PPP2R3B: variants seen among roughly 807,000 people sequenced by gnomAD.
PPP2R3B encodes the protein serine/threonine-protein phosphatase 2A regulatory subunit B'' subunit beta.
In PPP2R3B, 68 loss-of-function variants were observed where a neutral mutation model predicts 72.9. The observed-to-expected ratio is 0.93, with a 90% CI of 0.77 to 1.14. The LOEUF (loss-of-function observed/expected upper bound fraction) is 1.14, where lower values mean the gene tolerates loss of function less well. Among genes scored for constraint, PPP2R3B ranks in the 50% most tolerant of loss-of-function variants. The probability of loss-of-function intolerance (pLI) is 0.00; values close to 1 mark genes in which losing one functional copy is unlikely to be tolerated. For synonymous variants in PPP2R3B, 466 were observed against 375.8 expected (o/e 1.24, Z -2.78); for missense variants, 1,018 against 842.0 (o/e 1.21, Z -2.59).
In PPP2R3B at chrX:383,837, C is replaced by CAAAAAA. The variant is rs757960788; in HGVS notation, c.324+2525_324+2530dup. Among the ~76,000 whole-genome samples the CAAAAAA allele has an allele frequency of 4.0e-3, 182 of 45,552 alleles. 3 individuals are homozygous for CAAAAAA. The highest frequency in any genetic ancestry group is 7.3e-3 in the African/African-American group (111 of 15,142). The allele number at this position is 45,552 out of a possible 152,430, so 29.9% of individuals were successfully genotyped here. ...TGGGGGACAGAGCGAGACTCCGTCTCAAAAAAAAAAAAAAAAAAAAAAAAA... is the reference window on the plus strand; with the variant it reads ...TGGGGGACAGAGCGAGACTCCGTCTCAAAAAAAAAAAAAAAAAAAAAAAAAAAAAAA... On this transcript the variant is annotated intron_variant, in intron 1 of 12. Coordinates refer to ENST00000390665, the MANE Select transcript of PPP2R3B (RefSeq NM_013239.5).
At chrX:357,041 C>G (rs2071452876) in intron 2 of PPP2R3B, among the ~76,000 whole-genome samples, 1 of 152,070 alleles carries the variant, frequency 6.6e-6, no homozygotes, top group Non-Finnish European at 1.5e-5. Context: ...CTTGTCCATT[C>G]AAAATAAAAT....
intron 2 of PPP2R3B, 38 bp downstream of exon 2, chrX:361,367 C>T: frequency 6.2e-7 from 1 of 1,609,432 alleles, no homozygotes; most frequent in South Asian, 1.1e-5. Flanking sequence ...GCCCGCAGTA[C>T]CACCTCGGCT....
intron 1 of PPP2R3B, among the ~76,000 whole-genome samples, chrX:367,756 T>C (rs2071753644): frequency 6.6e-6 from 1 of 152,190 alleles, no homozygotes; most frequent in Admixed American, 6.5e-5. Flanking sequence ...AAGGTCTGAC[T>C]GCAGAAAGAA....
intron 2 of PPP2R3B, among the ~76,000 whole-genome samples, chrX:360,007 A>ACTT (rs112610453): frequency 0.62 from 94,094 of 151,654 alleles, 29,464 homozygotes; most frequent in African/African-American, 0.68. Context: ...GGGCGGGGAC[A>ACTT]CTTAATGTGT....
chrX:378,925 C>G (rs768510919), intron 1 of PPP2R3B, among the ~76,000 whole-genome samples: 4 of 152,342 alleles, frequency 2.6e-5, no homozygotes, highest in Admixed American at 2.6e-4. Context: ...CTTCAGAAAC[C>G]CTGAGCTCCT....
intron 12 of PPP2R3B, chrX:334,768 C>G: frequency 2.3e-6 from 1 of 436,532 alleles, no homozygotes. Flanking sequence ...CGGGCGTGAG[C>G]TACACACAGA....
intron 10 of PPP2R3B, among the ~76,000 whole-genome samples, chrX:340,456 T>TCACCCTGGGCCGTCCTCTCG (rs2071029992): frequency 3.0e-5 from 2 of 67,242 alleles, no homozygotes; most frequent in East Asian, 5.4e-4. Flanking sequence ...CCGTCCCCCC[T>TCACCCTGGGCCGTCCTCTCG]CCCGTCTGTC....
At chrX:382,070 T>C (rs1037883704) in intron 1 of PPP2R3B, among the ~76,000 whole-genome samples, 1 of 152,300 alleles carries the variant, frequency 6.6e-6, no homozygotes, top group African/African-American at 2.4e-5. Flanking sequence ...ATCTCCTAAG[T>C]GCAGAATCCT....
intron 2 of PPP2R3B, among the ~76,000 whole-genome samples, chrX:351,144 G>A (rs931273207): frequency 1.5e-4 from 23 of 152,090 alleles, no homozygotes; most frequent in Non-Finnish European, 2.8e-4. Context: ...TGGAGGGGCC[G>A]GGCCCCGCAG....
intron 1 of PPP2R3B, among the ~76,000 whole-genome samples, chrX:380,134 G>A (rs2072090988): frequency 6.6e-6 from 1 of 152,064 alleles, no homozygotes; most frequent in East Asian, 1.9e-4. Flanking sequence ...GCTTTCTCAA[G>A]ATAAATAGGA....
intron 2 of PPP2R3B, among the ~76,000 whole-genome samples, chrX:354,339 C>T (rs1433844736): frequency 6.7e-6 from 1 of 149,966 alleles, no homozygotes; most frequent in East Asian, 2.0e-4. Flanking sequence ...CCTTCATGAC[C>T]ACAGACGCTA....
chrX:367,021 C>G lies in PPP2R3B; in HGVS notation c.325-5431G>C, dbSNP rs749730066. Among the ~76,000 whole-genome samples, 14 of 146,810 alleles carry G rather than the reference C, an allele frequency of 9.5e-5. 1 individual carries two copies. The highest frequency in any genetic ancestry group is 3.3e-4 in the African/African-American group (12 of 36,442). On this transcript the variant is annotated intron_variant, in intron 1 of 12. Coordinates refer to ENST00000390665, the MANE Select transcript of PPP2R3B (RefSeq NM_013239.5). ...CCAGCCTGGGTGACAGAGTGAGACT[C>G]TGTCTCAAAAAAAAAAAAGTGAGAT...
intron 2 of PPP2R3B, among the ~76,000 whole-genome samples, chrX:353,630 G>C (rs2071373721): frequency 6.6e-6 from 1 of 152,264 alleles, no homozygotes; most frequent in South Asian, 2.1e-4. Context: ...ACAAGAAAAG[G>C]AGACCGCAGG....
intron 1 of PPP2R3B, among the ~76,000 whole-genome samples, chrX:366,793 G>T (rs1343760955): frequency 1.7e-5 from 2 of 115,158 alleles, no homozygotes; most frequent in East Asian, 4.7e-4. Context: ...AACACAGGAG[G>T]CAGAGGTTGC....
At chrX:382,659 T>C (rs2072152057) in intron 1 of PPP2R3B, among the ~76,000 whole-genome samples, 1 of 152,190 alleles carries the variant, frequency 6.6e-6, no homozygotes, top group Admixed American at 6.5e-5. Flanking sequence ...TGTTAGAGGC[T>C]TCTTGCCTGA....
At position 386,521 on chromosome X, in the gene PPP2R3B, G is replaced by T. The variant is rs2072255928; in HGVS notation, c.171C>A (p.Ala57=). 1 of 1,399,878 alleles carries T rather than the reference G, an allele frequency of 7.1e-7. No homozygotes were observed. Among genetic ancestry groups the T allele is most frequent in the South Asian group, 1.5e-5 (1 of 67,700 alleles). 86.7% of individuals were successfully genotyped at this position (1,399,878 alleles called of 1,614,324 possible). A position where few individuals can be genotyped will look rare whatever the true frequency, so the allele number is the denominator to read the frequency against. ...GGGCGGCGAGCGGGGCTGTGGGCCA[G>T]GCCCCGGGCTGCTCCCCGTCCCCCG... ...PTPGDGEQPG[A]WPTAPLAAPR... The change falls in exon 1 of 13, where the codon GCC becomes GCA. Residue 57 remains alanine, a synonymous_variant. Transcript: ENST00000390665.
chrX:363,655 T>TGCCCGCAATCCCACAGTGCATCTCTCGAA (rs2071609748), intron 1 of PPP2R3B, among the ~76,000 whole-genome samples: 1 of 2,818 alleles, frequency 3.5e-4, no homozygotes, highest in Non-Finnish European at 8.1e-4. Flanking sequence ...CATCTCCCTG[T>TGCCCGCAATCCCACAGTGCATCTCTCGAA]GCCCACCATC....
intron 12 of PPP2R3B, chrX:338,268 A>T: frequency 4.2e-6 from 2 of 475,170 alleles, no homozygotes; most frequent in Non-Finnish European, 7.7e-6. Context: ...CCTGCCCAGC[A>T]GGTGCCAGCC....
Position 339,172 on chromosome X carries a change from G to T in PPP2R3B, c.1352-276C>A, listed in dbSNP as rs770793333. On this transcript the variant is annotated intron_variant, in intron 10 of 12. Transcript: ENST00000390665. ...AGCGCAGGGAGGCGCGGCCAGCAGG[G>T]GCGCTGCTGGATCTGAAATTACAGA... Among the ~76,000 whole-genome samples, 182 of 151,718 alleles carry T rather than the reference G, an allele frequency of 1.2e-3. 1 individual carries two copies. The highest frequency in any genetic ancestry group is 4.3e-3 in the African/African-American group (178 of 41,412).
Sources: allele counts gnomAD v4.1 joint callset (sites outside exome capture counted in the v4.1 genomes callset), GRCh38; gene constraint gnomAD v4.1.1; transcripts MANE v1.5; gene names NCBI Gene and HGNC (gene_info 2026-07-23, HGNC 2026-07-21).